Variants in CNTLN observed in about 807,000 individuals in gnomAD.
CNTLN encodes the protein centlein, centrosomal protein.
Under a neutral mutation model 180.0 loss-of-function variants are expected in CNTLN, and 212 were observed. The observed-to-expected ratio is 1.18, with a 90% confidence interval of 1.05 to 1.32. CNTLN has a LOEUF of 1.32. Among genes scored for constraint, CNTLN ranks in the 40% most tolerant of loss-of-function variants. The pLI, the probability that CNTLN is intolerant of heterozygous loss-of-function variation, is 0.00. For missense variants in CNTLN, 2,095 were observed against 1,610.9 expected (o/e 1.30, Z -5.14); for synonymous variants, 722 against 563.1 (o/e 1.28, Z -3.99).
chr9:17,480,263 A>G (rs757939905), intron 23 of CNTLN, among the ~76,000 whole-genome samples: 1 of 152,160 alleles, frequency 6.6e-6, no homozygotes, highest in African/African-American at 2.4e-5. Flanking sequence ...CCCAACATCC[A>G]AAGAACTGAT....
At chr9:17,429,036 G>A (rs1260391929) in intron 18 of CNTLN, among the ~76,000 whole-genome samples, 1 of 151,784 alleles carries the variant, frequency 6.6e-6, no homozygotes, top group Non-Finnish European at 1.5e-5. Flanking sequence ...AAATGCTCTA[G>A]AAATATCATC....
chr9:17,276,842 G>A (rs1259483213), intron 6 of CNTLN, among the ~76,000 whole-genome samples: 1 of 151,854 alleles, frequency 6.6e-6, no homozygotes, highest in Non-Finnish European at 1.5e-5. Context: ...TGTATTTTTT[G>A]TTTGTATTGT....
chr9:17,338,226 G>A (rs745964398), intron 10 of CNTLN, among the ~76,000 whole-genome samples: 6 of 148,792 alleles, frequency 4.0e-5, no homozygotes, highest in African/African-American at 5.0e-5. Context: ...GTGCAGTGGC[G>A]CCATCTTTGC....
chr9:17,364,804 A>C (rs901479421), intron 12 of CNTLN, among the ~76,000 whole-genome samples: 1 of 152,068 alleles, frequency 6.6e-6, no homozygotes, highest in East Asian at 1.9e-4. Flanking sequence ...TACTCTGGCC[A>C]TATGTCCAGT....
the CNTLN span, among the ~76,000 whole-genome samples, chr9:17,521,264 A>AG: frequency 6.5e-3 from 782 of 119,692 alleles, 7 homozygotes; most frequent in African/African-American, 0.013. Context: ...AAAGGGAGAA[A>AG]AAGAGAGAGA....
intron 5 of CNTLN, among the ~76,000 whole-genome samples, chr9:17,259,608 A>G (rs1275714518): frequency 6.7e-6 from 1 of 149,428 alleles, no homozygotes; most frequent in African/African-American, 2.5e-5. Flanking sequence ...CTGGTCCTGG[A>G]CTCTTTTTTG....
chr9:17,483,182 C>CA (rs1478696272), intron 23 of CNTLN, among the ~76,000 whole-genome samples: 3 of 151,832 alleles, frequency 2.0e-5, no homozygotes, highest in Middle Eastern at 3.4e-3. Flanking sequence ...TAAGAAAAAA[C>CA]AAAAAATGAC....
intron 12 of CNTLN, among the ~76,000 whole-genome samples, chr9:17,361,047 GT>G (rs949147138): frequency 7.2e-5 from 11 of 151,818 alleles, no homozygotes; most frequent in East Asian, 5.8e-4. Flanking sequence ...AATATCTTCA[GT>G]TTTTTTTCCA....
intron 18 of CNTLN, among the ~76,000 whole-genome samples, chr9:17,423,444 T>G (rs1257444810): frequency 6.6e-6 from 1 of 151,510 alleles, no homozygotes; most frequent in Non-Finnish European, 1.5e-5. Context: ...CAAGACAAAG[T>G]ACTCTTTACT....
Position 17,439,299 on chromosome 9 carries a change from G to T in CNTLN, c.3115-18225G>T, listed in dbSNP as rs141666172. Among the ~76,000 whole-genome samples, 259 of 152,174 alleles carry T rather than the reference G, an allele frequency of 1.7e-3. 1 individual carries two copies. The highest frequency in any genetic ancestry group is 6.0e-3 in the African/African-American group (248 of 41,524). On this transcript the variant is annotated intron_variant, in intron 18 of 25. Coordinates refer to ENST00000380647, the MANE Select transcript of CNTLN (RefSeq NM_017738.4). ...CTTTCTCTAAGTATTTATCAAAAAT[G>T]TTCACATAACTAGGCCACAAAACAA... is the stretch of plus-strand genomic sequence containing the variant.
intron 3 of CNTLN, among the ~76,000 whole-genome samples, chr9:17,227,181 C>G (rs1352243887): frequency 6.6e-6 from 1 of 151,762 alleles, no homozygotes; most frequent in Non-Finnish European, 1.5e-5. Flanking sequence ...GACCCAAACA[C>G]CCCTCACCAG....
chr9:17,362,764 G>C (rs913864587), intron 12 of CNTLN, among the ~76,000 whole-genome samples: 1 of 151,600 alleles, frequency 6.6e-6, no homozygotes, highest in Non-Finnish European at 1.5e-5. Context: ...TATACTTTAA[G>C]TTCTGGGATA....
chr9:17,197,792 A>G (rs1261138373), intron 2 of CNTLN, among the ~76,000 whole-genome samples: 1 of 152,104 alleles, frequency 6.6e-6, no homozygotes. Flanking sequence ...ATCGAGTATT[A>G]CTCAAGAAAT....
chr9:17,264,548 A>G (rs1827260785), intron 5 of CNTLN, among the ~76,000 whole-genome samples: 1 of 151,580 alleles, frequency 6.6e-6, no homozygotes, highest in South Asian at 2.1e-4. Flanking sequence ...GTTCCATATG[A>G]ACTTTAAAGT....
intron 5 of CNTLN, among the ~76,000 whole-genome samples, chr9:17,250,217 T>C (rs1249818334): frequency 6.6e-6 from 1 of 152,026 alleles, no homozygotes; most frequent in African/African-American, 2.4e-5. Context: ...ATGGAATATC[T>C]TTTTCCATCA....
intron 14 of CNTLN, among the ~76,000 whole-genome samples, chr9:17,394,274 TGCAGTTTATTA>T (rs1257375692): frequency 3.3e-5 from 5 of 152,216 alleles, no homozygotes. Flanking sequence ...CAGAAGACAC[TGCAGTTTATTA>T]GCATACTTAG....
intron 11 of CNTLN, among the ~76,000 whole-genome samples, chr9:17,341,293 A>G (rs1170145328): frequency 6.6e-6 from 1 of 152,216 alleles, no homozygotes; most frequent in Non-Finnish European, 1.5e-5. Flanking sequence ...TAAATAAAAT[A>G]CTGGTGTTAA....
intron 7 of CNTLN, chr9:17,301,480 T>G: frequency 1.0e-6 from 1 of 985,366 alleles, no homozygotes; most frequent in Non-Finnish European, 1.2e-6. Context: ...TTAGTCTGTT[T>G]TTTGTCATTT....
At chr9:17,194,892 A>AC (rs1822027528) in intron 2 of CNTLN, among the ~76,000 whole-genome samples, 1 of 152,190 alleles carries the variant, frequency 6.6e-6, no homozygotes, top group Non-Finnish European at 1.5e-5. Context: ...AGCCCTTCTT[A>AC]TGTGGCAGCG....
Sources: allele counts gnomAD v4.1 joint callset (sites outside exome capture counted in the v4.1 genomes callset), GRCh38; gene constraint gnomAD v4.1.1; transcripts MANE v1.5; gene names NCBI Gene and HGNC (gene_info 2026-07-23, HGNC 2026-07-21).